ADPRHL1: variants seen among roughly 807,000 people sequenced by gnomAD.
ADPRHL1 encodes the protein ADP-ribosylhydrolase like 1.
ADPRHL1 carries 43 observed loss-of-function variants against 44.1 expected under a neutral mutation model. The observed-to-expected ratio is 0.98, with a 90% CI of 0.76 to 1.26. ADPRHL1 has a LOEUF of 1.26. Ranked by LOEUF, ADPRHL1 falls within the 50% of genes most tolerant of loss-of-function variation. The pLI is 0.00. For missense variants in ADPRHL1, 2,022 were observed against 2,496.9 expected (o/e 0.81, Z 4.05); for synonymous variants, 878 against 1,017.4 (o/e 0.86, Z 2.61).
intron 1 of ADPRHL1, 121 bp from the exon 2 acceptor site, chr13:113,444,710 C>T: frequency 8.0e-7 from 1 of 1,243,760 alleles, no homozygotes; most frequent in Non-Finnish European, 1.1e-6. Context: ...GCAAACTCTG[C>T]CTCCCGGGTT....
At chr13:113,433,918 C>A (rs751898353) in intron 2 of ADPRHL1, 51 bp from the exon 3 acceptor site, 3 of 1,481,260 alleles carry the variant, frequency 2.0e-6, no homozygotes, top group Non-Finnish European at 1.8e-6. Flanking sequence ...ATAATTCCAC[C>A]CCTGACAATC....
rs2043833417 is a variant in ADPRHL1 at position 113,409,298 on chromosome 13, C to T, written c.1062-1078G>A. Reference sequence around the variant, plus strand: ...TCTGTGGCAGGGGGTGGAGCCGTCTCTGACCTCCCCAGATGATAATTTTGG... The same window carrying T: ...TCTGTGGCAGGGGGTGGAGCCGTCTTTGACCTCCCCAGATGATAATTTTGG... On this transcript the variant is annotated intron_variant, in intron 7 of 7. Transcript: ENST00000612156. This position sits in a 1 kb window ranked among gnomAD's most constrained non-coding sequence, Gnocchi z 4.2. 2 of 985,306 alleles carry T rather than the reference C, an allele frequency of 2.0e-6. No homozygotes were observed. The highest frequency in any genetic ancestry group is 2.4e-6 in the Non-Finnish European group (2 of 829,944). 61.0% of individuals were successfully genotyped at this position (985,306 alleles called of 1,614,324 possible). A position where few individuals can be genotyped will look rare whatever the true frequency, so the allele number is the denominator to read the frequency against.
chr13:113,418,271 T>C (rs530584214), intron 7 of ADPRHL1, among the ~76,000 whole-genome samples: 3 of 152,230 alleles, frequency 2.0e-5, no homozygotes, highest in Admixed American at 2.0e-4. Context: ...GGAAATAACA[T>C]TCAAATGCCA....
intron 4 of ADPRHL1, among the ~76,000 whole-genome samples, chr13:113,425,530 C>T (rs941198418): frequency 2.6e-5 from 4 of 151,928 alleles, no homozygotes; most frequent in African/African-American, 7.3e-5. Context: ...CACCACCACA[C>T]CCGGCTAATT....
At chr13:113,439,470 A>C (rs2044083145) in intron 2 of ADPRHL1, among the ~76,000 whole-genome samples, 1 of 132,792 alleles carries the variant, frequency 7.5e-6, no homozygotes, top group Non-Finnish European at 1.6e-5. Context: ...TTTTCCTGAG[A>C]CGGCGTCTTG....
Position 113,425,158 on chromosome 13 carries a change from T to C in ADPRHL1, c.668A>G (p.Tyr223Cys). Reference sequence around the variant, plus strand: ...ATAAAATTGCCATTTAGCTTCAAAGTAAAACCAGTGCTCCTGGTATTCTAA... The same window carrying C: ...ATAAAATTGCCATTTAGCTTCAAAGCAAAACCAGTGCTCCTGGTATTCTAA... ...HTAEYQEHWF[Y>C]FEAKWQFYLE... Residue 223 changes from tyrosine (Y) to cysteine (C), a missense_variant, in exon 5 of 8, where the codon TAC becomes TGC. Transcript: ENST00000612156. 2 of 1,488,662 alleles carry C rather than the reference T, an allele frequency of 1.3e-6. No individual in the cohort carries two copies. 92.2% of individuals were successfully genotyped at this position (1,488,662 alleles called of 1,614,324 possible).
chr13:113,420,639 C>T (rs1439317570), intron 7 of ADPRHL1, among the ~76,000 whole-genome samples: 1 of 152,030 alleles, frequency 6.6e-6, no homozygotes, highest in Non-Finnish European at 1.5e-5. Context: ...CCCTTCGCCC[C>T]CGTGTGCCTG....
intron 2 of ADPRHL1, among the ~76,000 whole-genome samples, chr13:113,435,192 G>T (rs1235265892): frequency 4.4e-5 from 1 of 22,748 alleles, no homozygotes; most frequent in South Asian, 3.5e-3. Flanking sequence ...CAGCACCGAG[G>T]CGTAGAGTGA....
At chr13:113,440,284 T>C (rs973569535) in intron 2 of ADPRHL1, among the ~76,000 whole-genome samples, 1 of 152,202 alleles carries the variant, frequency 6.6e-6, no homozygotes, top group Non-Finnish European at 1.5e-5. Flanking sequence ...TGTTATTAGG[T>C]ACAGAGACAT....
At chr13:113,424,701 CATCCATTT>C (rs112115928) in intron 5 of ADPRHL1, among the ~76,000 whole-genome samples, 11 of 71,396 alleles carry the variant, frequency 1.5e-4, no homozygotes, top group South Asian at 5.6e-4. Context: ...CCCATCCATT[CATCCATTT>C]ACCCACACAT....
Position 113,444,449 on chromosome 13 carries a change from A to G in ADPRHL1, c.355T>C (p.Trp119Arg). 1 of 1,614,198 alleles carries G rather than the reference A, an allele frequency of 6.2e-7. No homozygotes were observed. Among genetic ancestry groups the G allele is most frequent in the Non-Finnish European group, 8.5e-7 (1 of 1,180,020 alleles). Residue 119 changes from tryptophan to arginine, a missense_variant, in exon 2 of 8, where the codon TGG becomes CGG. By Grantham distance (101) the Trp-to-Arg change is moderately radical. Around this residue, in one of 8 missense-constraint regions of ADPRHL1, gnomAD observed 437 missense variants for 430.7 expected, o/e 1.01. Coordinates refer to ENST00000612156, the MANE Select transcript of ADPRHL1 (RefSeq NM_001394807.1). ...QLKPNNYLLA[W>R]HTPFNEKGSG... is the part of the protein sequence containing the mutation. Reference sequence around the variant, plus strand: ...CCTTTTTCATTGAACGGTGTGTGCCAGGCGAGAAGGTAGTTATTGGGCTTT... The same window carrying G: ...CCTTTTTCATTGAACGGTGTGTGCCGGGCGAGAAGGTAGTTATTGGGCTTT...
rs530874635 is a variant in ADPRHL1, at chr13:113,402,437, T to C, written c.*941A>G. 6.6e-6 allele frequency: 1 copy of C among 152,242 alleles called. No homozygotes were observed. Among genetic ancestry groups the C allele is most frequent in the African/African-American group, 2.4e-5 (1 of 41,442 alleles). 9.4% of individuals were successfully genotyped at this position (152,242 alleles called of 1,614,324 possible). A position where few individuals can be genotyped will look rare whatever the true frequency, so the allele number is the denominator to read the frequency against. The stretch of plus-strand genomic sequence containing the variant: ...GCATTCAAATATTCCAGCCTGAACA[T>C]GCATTACCTCAGTACCTGAACAGGG... On this transcript the variant is annotated 3_prime_UTR_variant, in exon 8 of 8. Transcript: ENST00000612156.
Position 113,429,193 on chromosome 13 carries a change from C to T in ADPRHL1, c.506-101G>A, listed in dbSNP as rs1050366111. On this transcript the variant is annotated intron_variant, in intron 3 of 7. Transcript: ENST00000612156. ...CGTGGGACTCCCGAGGAAGGGTTTGCTCGTTTTCCGTCTTTCCCATGTTCA... is the reference window on the plus strand; with the variant it reads ...CGTGGGACTCCCGAGGAAGGGTTTGTTCGTTTTCCGTCTTTCCCATGTTCA... 3 of 1,470,924 alleles carry T rather than the reference C, an allele frequency of 2.0e-6. No individual in the cohort carries two copies. In the African/African-American group the frequency reaches 4.2e-5, roughly 21 times the overall value. The allele number at this position is 1,470,924 out of a possible 1,614,324, so 91.1% of individuals were successfully genotyped here. A position where few individuals can be genotyped will look rare whatever the true frequency, so the allele number is the denominator to read the frequency against.
chr13:113,405,598 G>A lies in ADPRHL1; in HGVS notation c.3684C>T (p.Tyr1228=), dbSNP rs2043802299. The A allele has an allele frequency of 1.6e-6, 2 of 1,232,486 alleles. No individual in the cohort carries two copies. The highest frequency in any genetic ancestry group is 4.2e-5 in the Admixed American group (1 of 23,714). The allele number at this position is 1,232,486 out of a possible 1,614,324, so 76.3% of individuals were successfully genotyped here. A position where few individuals can be genotyped will look rare whatever the true frequency, so the allele number is the denominator to read the frequency against. Residue 1228 remains tyrosine, a synonymous_variant, in exon 8 of 8, where the codon TAC becomes TAT. Transcript: ENST00000612156. ...LARHPEAARL[Y]ISNTSAASRH... Reference sequence around the variant, plus strand: ...TGCTGGCTGCTGATGTGTTTGAAATGTATAATCGGGCCGCCTCTGGGTGCC... The same window carrying A: ...TGCTGGCTGCTGATGTGTTTGAAATATATAATCGGGCCGCCTCTGGGTGCC...
chr13:113,409,710 C>T lies in ADPRHL1; in HGVS notation c.1062-1490G>A, dbSNP rs2043837331. ...GACCATCCTGGATAACACGGTGAAA[C>T]CCCGTCTCTACTAAAGATATAAAAA... is the stretch of plus-strand genomic sequence containing the variant. On this transcript the variant is annotated intron_variant, in intron 7 of 7. Transcript: ENST00000612156. This position sits in a 1 kb window ranked among gnomAD's most constrained non-coding sequence, Gnocchi z 4.2. The T allele has an allele frequency of 1.4e-6, 1 of 735,080 alleles. No individual in the cohort carries two copies. Among genetic ancestry groups the T allele is most frequent in the Non-Finnish European group, 1.7e-6 (1 of 601,678 alleles). The allele number at this position is 735,080 out of a possible 1,614,324, so 45.5% of individuals were successfully genotyped here.
At chr13:113,423,058 A>G in intron 6 of ADPRHL1, 79 bp from the exon 7 acceptor site, 1 of 1,577,496 alleles carries the variant, frequency 6.3e-7, no homozygotes, top group Middle Eastern at 1.7e-4. Flanking sequence ...GGCCGCCCCT[A>G]AGGTGGGCCA....
Position 113,453,302 on chromosome 13 carries a change from G to C in ADPRHL1, c.136C>G (p.Leu46Val). The C allele has an allele frequency of 6.2e-7, 1 of 1,614,196 alleles. No individual in the cohort carries two copies. Among genetic ancestry groups the C allele is most frequent in the Non-Finnish European group, 8.5e-7 (1 of 1,180,048 alleles). The change falls in exon 1 of 8, where the codon CTC becomes GTC. Residue 46 changes from leucine (L) to valine (V), a missense_variant. By Grantham distance (32) the Leu-to-Val change is conservative. Transcript: ENST00000612156. This position sits in a 1 kb window ranked among gnomAD's most constrained non-coding sequence, Gnocchi z 5.4. ...GGCCATTCTCCTGGCGAGAGTACGA[G>C]GTGGTCCAGGCCCCCGGAACGTTGC... is the stretch of plus-strand genomic sequence containing the variant. ...ELQRSGGLDH[L>V]VLSPGEWPVS...
intron 7 of ADPRHL1, among the ~76,000 whole-genome samples, chr13:113,417,684 G>C (rs762416492): frequency 1.8e-5 from 2 of 112,898 alleles, no homozygotes; most frequent in Non-Finnish European, 3.9e-5. Context: ...TGCTTTTCCC[G>C]CAACAGGCTA....
In ADPRHL1 at chr13:113,403,064, C is replaced by T. The variant is rs1210551602; in HGVS notation, c.*314G>A. On this transcript the variant is annotated 3_prime_UTR_variant, in exon 8 of 8. Transcript: ENST00000612156. The stretch of plus-strand genomic sequence containing the variant: ...GCCACTGCGGGAGGTGTGAGCTCCA[C>T]GCTGCAGGCTGTGTGAGAGAGGGGT... The T allele has an allele frequency of 3.7e-5, 8 of 219,096 alleles. No individual in the cohort carries two copies. The highest frequency in any genetic ancestry group is 1.2e-4 in the Admixed American group (2 of 17,172). The allele number at this position is 219,096 out of a possible 1,614,324, so 13.6% of individuals were successfully genotyped here. A position where few individuals can be genotyped will look rare whatever the true frequency, so the allele number is the denominator to read the frequency against.
Sources: gnomAD v4.1 joint callset for allele counts (sites outside exome capture counted in the v4.1 genomes callset) on GRCh38, gnomAD v4.1.1 for gene constraint, gnomAD v4.1.1 regional missense constraint, Gnocchi (gnomAD v3.1) non-coding constraint, MANE v1.5 for transcripts, NCBI Gene and HGNC (gene_info 2026-07-23, HGNC 2026-07-21) for gene names.